The following KLHL29 variants were observed in gnomAD, a reference collection of about 807,000 sequenced individuals.
KLHL29 encodes kelch-like protein 29.
A neutral mutation model predicts 80.4 loss-of-function variants in KLHL29; 21 were observed. The ratio of observed to expected loss-of-function variants is 0.26; its 90% CI spans 0.19 to 0.38. KLHL29 has a LOEUF of 0.38. KLHL29 is among the 10% of genes least tolerant of loss of function. The probability of loss-of-function intolerance (pLI) is 1.00; values close to 1 mark genes in which losing one functional copy is unlikely to be tolerated. For synonymous variants in KLHL29, 511 were observed against 526.8 expected (o/e 0.97, Z 0.41); for missense variants, 867 against 1,223.9 (o/e 0.71, Z 4.35).
At chr2:23,599,082 G>C (rs561349501) in intron 3 of KLHL29, among the ~76,000 whole-genome samples, 3 of 152,230 alleles carry the variant, frequency 2.0e-5, no homozygotes, top group African/African-American at 7.2e-5. Context: ...CTTTGGAGCA[G>C]ACAGGGGCAA....
intron 3 of KLHL29, among the ~76,000 whole-genome samples, chr2:23,612,326 A>G (rs1441462540): frequency 6.6e-6 from 1 of 152,258 alleles, no homozygotes; most frequent in African/African-American, 2.4e-5. Context: ...CAATGGTGTG[A>G]TATCTTTAAA....
intron 1 of KLHL29, among the ~76,000 whole-genome samples, chr2:23,468,145 G>A (rs1664401546): frequency 6.6e-6 from 1 of 152,126 alleles, no homozygotes; most frequent in African/African-American, 2.4e-5. Flanking sequence ...CATCCCCATT[G>A]TATAGAAGAG....
intron 2 of KLHL29, among the ~76,000 whole-genome samples, chr2:23,502,744 G>A (rs1665489625): frequency 6.6e-6 from 1 of 152,164 alleles, no homozygotes; most frequent in Non-Finnish European, 1.5e-5. Flanking sequence ...TGATGCTGGT[G>A]GCCACTCCAC....
chr2:23,649,319 G>A (rs10174766), intron 5 of KLHL29, among the ~76,000 whole-genome samples: 13,955 of 152,214 alleles, frequency 0.092, 724 homozygotes, highest in East Asian at 0.15. Context: ...AAGGTTCTTC[G>A]TCCTCGCCTG....
chr2:23,642,239 C>A (rs3806508), intron 4 of KLHL29, 99 bp from the exon 5 acceptor site: 91,897 of 1,142,758 alleles, frequency 0.08, 8,116 homozygotes, highest in East Asian at 0.48. Flanking sequence ...TGTCTCGTTC[C>A]CCTCTGTGAC....
chr2:23,395,362 T>C (rs1666424810), intron 1 of KLHL29, among the ~76,000 whole-genome samples: 1 of 152,122 alleles, frequency 6.6e-6, no homozygotes, highest in African/African-American at 2.4e-5. Context: ...GGGTAGAAAA[T>C]GGTGCTACTC....
intron 2 of KLHL29, among the ~76,000 whole-genome samples, chr2:23,547,675 C>T (rs916483625): frequency 5.9e-5 from 9 of 152,016 alleles, no homozygotes; most frequent in African/African-American, 2.2e-4. Context: ...CCTCCCGCCT[C>T]CCCCGAGAAA....
chr2:23,634,230 T>C (rs1669549803), intron 3 of KLHL29, among the ~76,000 whole-genome samples: 1 of 152,228 alleles, frequency 6.6e-6, no homozygotes, highest in Admixed American at 6.5e-5. Context: ...CATCGTGGCC[T>C]GCAGGTTCCC....
chr2:23,653,949 C>G (rs1670161501), intron 5 of KLHL29, among the ~76,000 whole-genome samples: 1 of 152,014 alleles, frequency 6.6e-6, no homozygotes, highest in African/African-American at 2.4e-5. Flanking sequence ...GGTAGATCAC[C>G]TGAGGTCAGG....
intron 5 of KLHL29, among the ~76,000 whole-genome samples, chr2:23,654,019 T>C (rs1670163496): frequency 6.6e-6 from 1 of 151,862 alleles, no homozygotes; most frequent in South Asian, 2.1e-4. Context: ...ATACAAAAAT[T>C]AGCCGGGTGT....
At chr2:23,513,478 C>T (rs546216534) in intron 2 of KLHL29, among the ~76,000 whole-genome samples, 13 of 152,292 alleles carry the variant, frequency 8.5e-5, no homozygotes, top group African/African-American at 1.7e-4. Flanking sequence ...AAGGGACCGC[C>T]GCTTCTGCTA....
At chr2:23,417,152 A>G (rs1462315933) in intron 1 of KLHL29, among the ~76,000 whole-genome samples, 7 of 151,972 alleles carry the variant, frequency 4.6e-5, no homozygotes, top group Admixed American at 2.6e-4. Flanking sequence ...CATTGCCACC[A>G]AGACCCCTGC....
chr2:23,446,993 G>A (rs1232239002), intron 1 of KLHL29, among the ~76,000 whole-genome samples: 1 of 152,160 alleles, frequency 6.6e-6, no homozygotes, highest in African/African-American at 2.4e-5. Flanking sequence ...TTTTCTTCCA[G>A]GTCAAGCAGC....
intron 5 of KLHL29, among the ~76,000 whole-genome samples, chr2:23,678,972 C>T (rs145927921): frequency 1.2e-3 from 189 of 151,480 alleles, no homozygotes; most frequent in African/African-American, 4.3e-3. Flanking sequence ...GAAAAGGATT[C>T]CAGAGGATTG....
rs1007627602 is a variant in KLHL29 at position 23,525,730 on chromosome 2, C to A, written c.-45-36422C>A. 8.6e-4 allele frequency among the ~76,000 whole-genome samples: 47 copies of A among 54,676 alleles called. No individual in the cohort carries two copies. The East Asian group carries it at 0.018, about 21-fold the overall frequency. The allele number at this position is 54,676 out of a possible 152,430, so 35.9% of individuals were successfully genotyped here. ...GCCGAGTGAGCCCCAGCCCCTGCCC[C>A]CCCCCCCCACCCGAGGCGAGCCAGC... On this transcript the variant is annotated intron_variant, in intron 2 of 13. Coordinates refer to ENST00000486442, the MANE Select transcript of KLHL29 (RefSeq NM_052920.2).
intron 5 of KLHL29, among the ~76,000 whole-genome samples, chr2:23,679,666 A>G (rs1671021230): frequency 6.6e-6 from 1 of 152,236 alleles, no homozygotes; most frequent in Admixed American, 6.5e-5. Flanking sequence ...AAAAATATGA[A>G]TAAAACATAG....
At chr2:23,501,515 T>C (rs1473038046) in intron 2 of KLHL29, among the ~76,000 whole-genome samples, 1 of 152,134 alleles carries the variant, frequency 6.6e-6, no homozygotes, top group Non-Finnish European at 1.5e-5. Flanking sequence ...AGCCCGATCA[T>C]CGATGTTCAG....
intron 3 of KLHL29, among the ~76,000 whole-genome samples, chr2:23,598,650 GGCT>G (rs1668489351): frequency 1.3e-5 from 2 of 152,238 alleles, no homozygotes; most frequent in African/African-American, 4.8e-5. Context: ...AAGACTTCCA[GGCT>G]GCTCATCCAG....
chr2:23,427,754 A>G (rs1245309098), intron 1 of KLHL29, among the ~76,000 whole-genome samples: 2 of 152,222 alleles, frequency 1.3e-5, no homozygotes, highest in Non-Finnish European at 2.9e-5. Context: ...ATAAAAATGT[A>G]AAATCCTGTC....
Sources: allele counts gnomAD v4.1 joint callset (sites outside exome capture counted in the v4.1 genomes callset), GRCh38; gene constraint gnomAD v4.1.1; transcripts MANE v1.5; gene names NCBI Gene and HGNC (gene_info 2026-07-23, HGNC 2026-07-21).